The following MCM5 variants were observed in gnomAD, a reference collection of about 807,000 sequenced individuals.
MCM5 encodes the protein minichromosome maintenance complex component 5.
MCM5 carries 46 observed loss-of-function variants against 79.9 expected under a neutral mutation model. The ratio of observed to expected loss-of-function variants is 0.58; its 90% CI spans 0.45 to 0.74. MCM5 has a LOEUF of 0.74. Among genes scored for constraint, MCM5 ranks in the 30% least tolerant of loss-of-function variants. MCM5 has a pLI of 0.00. For synonymous variants in MCM5, 404 were observed against 390.5 expected (o/e 1.03, Z -0.41); for missense variants, 883 against 1,017.0 (o/e 0.87, Z 1.79).
At chr22:35,428,389 G>A (rs543776344), downstream of MCM5, among the ~76,000 whole-genome samples, 3 of 151,724 alleles carry the variant, frequency 2.0e-5, no homozygotes, top group Non-Finnish European at 4.4e-5. Context: ...TGGAACTCCT[G>A]GGCTCAATCG....
chr22:35,454,563 G>GC, the MCM5 span, among the ~76,000 whole-genome samples: 1 of 152,064 alleles, frequency 6.6e-6, no homozygotes, highest in Non-Finnish European at 1.5e-5. Context: ...AGTCAGGAGG[G>GC]CCCCCCTGGC....
chr22:35,416,703 C>T lies in MCM5; in HGVS notation c.1479C>T (p.Gly493=). Residue 493 remains glycine (G), a synonymous_variant, in exon 12 of 17, where the codon GGC becomes GGT. Transcript: ENST00000216122. ...TGGCTGCTGCCAACTCAGTGTTCGG[C>T]CGCTGGGATGAGACGAAGGGGGAGG... ...SVLAAANSVF[G]RWDETKGEDN... is the part of the protein sequence containing the mutation. 2 of 1,614,184 alleles carry T rather than the reference C, an allele frequency of 1.2e-6. No homozygotes were observed. Among genetic ancestry groups the T allele is most frequent in the South Asian group, 2.2e-5 (2 of 91,080 alleles).
chr22:35,437,880 C>T, the MCM5 span, among the ~76,000 whole-genome samples: 1 of 152,106 alleles, frequency 6.6e-6, no homozygotes, highest in Non-Finnish European at 1.5e-5. Context: ...TGGAAAGTGT[C>T]AATCTAGTCC....
At position 35,403,509 on chromosome 22, in the gene MCM5, G is replaced by A. The variant is rs372421942; in HGVS notation, c.390G>A (p.Ser130=). 1.3e-5 allele frequency: 21 copies of A among 1,613,984 alleles called. No homozygotes were observed. The highest frequency in any genetic ancestry group is 2.2e-5 in the South Asian group (2 of 91,084). The stretch of plus-strand genomic sequence containing the variant: ...AGGACATCCAGGTCATGCTCAAGTC[G>A]GACGCCAGCCCTTCCAGCATTCGTA... ...VLQDIQVMLK[S]DASPSSIRSL... is the part of the protein sequence containing the mutation. Residue 130 remains serine (S), a synonymous_variant, in exon 4 of 17, where the codon TCG becomes TCA. Transcript: ENST00000216122.
rs375070298 is a variant in MCM5, at chr22:35,424,306, G to A, written c.*51G>A. 1.5e-6 allele frequency: 2 copies of A among 1,301,512 alleles called. No individual in the cohort carries two copies. The highest frequency in any genetic ancestry group is 1.4e-5 in the South Asian group (1 of 72,572). The allele number at this position is 1,301,512 out of a possible 1,614,324, so 80.6% of individuals were successfully genotyped here. On this transcript the variant is annotated 3_prime_UTR_variant, in exon 17 of 17. Coordinates refer to ENST00000216122, the MANE Select transcript of MCM5 (RefSeq NM_006739.4). ...GACTCGCCCACGCCTCGCCCCTCCT[G>A]CCGCTGCCTGCCATTGACAATGTTG...
the MCM5 span, among the ~76,000 whole-genome samples, chr22:35,430,793 A>G: frequency 6.8e-6 from 1 of 146,920 alleles, no homozygotes; most frequent in Non-Finnish European, 1.5e-5. Flanking sequence ...TACAGGCGTG[A>G]GCCACTGTAC....
chr22:35,421,055 G>A (rs1469113604), intron 14 of MCM5, among the ~76,000 whole-genome samples: 3 of 149,150 alleles, frequency 2.0e-5, no homozygotes, highest in Non-Finnish European at 3.0e-5. Context: ...TGGAGCCCAG[G>A]AGTTCGAGGC....
At chr22:35,422,182 T>C (rs1406208929) in intron 15 of MCM5, 3 of 154,560 alleles carry the variant, frequency 1.9e-5, no homozygotes, top group Non-Finnish European at 2.9e-5. Context: ...CTCGTTCTAG[T>C]TGGGGAGAGA....
chr22:35,413,104 G>A lies in MCM5; in HGVS notation c.1091+423G>A, dbSNP rs558023739. 2.0e-5 allele frequency among the ~76,000 whole-genome samples: 3 copies of A among 151,874 alleles called. No individual in the cohort carries two copies. The East Asian group carries it at 5.8e-4, about 29-fold the overall frequency. On this transcript the variant is annotated intron_variant, in intron 8 of 16. Transcript: ENST00000216122. ...GTTGCCCAGGCTGGAGTGCAGTGGT[G>A]TGATCTCGGCTCACTGCAAGCTCCG...
At chr22:35,442,270 G>A in the MCM5 span, among the ~76,000 whole-genome samples, 1 of 151,898 alleles carries the variant, frequency 6.6e-6, no homozygotes, top group Non-Finnish European at 1.5e-5. Flanking sequence ...CTGCTTGCGT[G>A]GTGGGTTCCT....
chr22:35,426,487 C>G (rs554169814), downstream of MCM5, among the ~76,000 whole-genome samples: 10 of 152,298 alleles, frequency 6.6e-5, no homozygotes, highest in South Asian at 2.1e-3. Context: ...CTTCACTCAC[C>G]TGTGACCTGG....
chr22:35,407,384 C>G (rs886903865), intron 5 of MCM5, among the ~76,000 whole-genome samples: 3 of 152,126 alleles, frequency 2.0e-5, no homozygotes, highest in Non-Finnish European at 4.4e-5. Flanking sequence ...CCCTCCACCC[C>G]CTCAGTCTGT....
At chr22:35,434,305 G>T in the MCM5 span, among the ~76,000 whole-genome samples, 13 of 151,428 alleles carry the variant, frequency 8.6e-5, no homozygotes, top group Non-Finnish European at 1.8e-4. Flanking sequence ...AATGGATTCC[G>T]TTGTCTGTCA....
At chr22:35,407,532 C>T (rs1273788298) in intron 5 of MCM5, among the ~76,000 whole-genome samples, 1 of 152,182 alleles carries the variant, frequency 6.6e-6, no homozygotes, top group African/African-American at 2.4e-5. Context: ...CAGGCCCGGC[C>T]TCACTGCCTC....
chr22:35,408,350 G>A, intron 5 of MCM5, 58 bp from the exon 6 acceptor site: 2 of 1,538,008 alleles, frequency 1.3e-6, no homozygotes, highest in Non-Finnish European at 8.9e-7. Flanking sequence ...GGATGAATGA[G>A]CCCTGCCTTT....
At chr22:35,438,611 A>ATATTCATCCATCCATCCACCCACC in the MCM5 span, among the ~76,000 whole-genome samples, 4 of 103,502 alleles carry the variant, frequency 3.9e-5, no homozygotes, top group Admixed American at 1.0e-4. Flanking sequence ...ACCCACCCAC[A>ATATTCATCCATCCATCCACCCACC]TATTCATCCA....
At chr22:35,410,598 G>T (rs371490807) in intron 6 of MCM5, 146 bp from the exon 7 acceptor site, 8 of 766,584 alleles carry the variant, frequency 1.0e-5, no homozygotes, top group South Asian at 2.8e-5. Flanking sequence ...TCTGGGCTCC[G>T]TGGGGCTGGA....
chr22:35,412,780 A>G, intron 8 of MCM5, 99 bp downstream of exon 8: 2 of 1,076,122 alleles, frequency 1.9e-6, no homozygotes, highest in South Asian at 7.1e-5. Context: ...TCTTTTTTGT[A>G]TTTCCTGGGC....
the MCM5 span, among the ~76,000 whole-genome samples, chr22:35,450,360 C>G: frequency 6.6e-6 from 1 of 152,040 alleles, no homozygotes. Context: ...TAAATGAGAT[C>G]GTGCCTAGAA....
Sources: gnomAD v4.1 joint callset for allele counts (sites outside exome capture counted in the v4.1 genomes callset) on GRCh38, gnomAD v4.1.1 for gene constraint, MANE v1.5 for transcripts, NCBI Gene and HGNC (gene_info 2026-07-23, HGNC 2026-07-21) for gene names.